Variants in ZNF365 observed in about 807,000 individuals in gnomAD.
ZNF365 encodes the protein protein ZNF365.
A neutral mutation model predicts 35.0 loss-of-function variants in ZNF365; 22 were observed. The ratio of observed to expected loss-of-function variants is 0.63; its 90% CI spans 0.45 to 0.90. ZNF365 has a LOEUF of 0.90. Ranked by LOEUF, ZNF365 falls within the 40% of genes least tolerant of loss-of-function variation. The pLI is 0.00. For missense variants in ZNF365, 448 were observed against 500.3 expected (o/e 0.90, Z 1.00); for synonymous variants, 188 against 196.2 (o/e 0.96, Z 0.35).
At chr10:62,450,990 CTTG>C (rs140155989) in intron 3 of ZNF365, among the ~76,000 whole-genome samples, 3,027 of 152,236 alleles carry the variant, frequency 0.02, 92 homozygotes, top group African/African-American at 0.064. Flanking sequence ...TGTAGATTTG[CTTG>C]TTGTTTTTTT....
intron 3 of ZNF365, among the ~76,000 whole-genome samples, chr10:62,437,957 C>A (rs1336769842): frequency 2.0e-5 from 3 of 152,164 alleles, no homozygotes; most frequent in Non-Finnish European, 4.4e-5. Context: ...CAACATCATT[C>A]TTCTGTCGTG....
At chr10:62,446,738 G>C (rs1169813503) in intron 3 of ZNF365, among the ~76,000 whole-genome samples, 2 of 152,170 alleles carry the variant, frequency 1.3e-5, no homozygotes, top group East Asian at 3.8e-4. Flanking sequence ...TGGTCGTTTT[G>C]TAGAGTTCTG....
At chr10:62,433,146 G>C (rs1484545501) in intron 3 of ZNF365, among the ~76,000 whole-genome samples, 8 of 152,078 alleles carry the variant, frequency 5.3e-5, no homozygotes, top group Non-Finnish European at 1.5e-5. Flanking sequence ...ATTTGGATTT[G>C]TTTGAACAGG....
rs375084173 is a variant in ZNF365 at position 62,380,702 on chromosome 10, T to TA, written c.743+3770dup. ...TGTCTTGACAAAGTCAGTGTGATTT[T>TA]AAAAGTTCTAGTGAAACAGGTATTT... On this transcript the variant is annotated intron_variant, in intron 2 of 4. Transcript: ENST00000395254. 2.7e-3 allele frequency among the ~76,000 whole-genome samples: 408 copies of TA among 152,344 alleles called. 3 individuals carry two copies. The highest frequency in any genetic ancestry group is 0.015 in the South Asian group (70 of 4,822).
chr10:62,445,657 T>C (rs1207929167), intron 3 of ZNF365, among the ~76,000 whole-genome samples: 1 of 152,202 alleles, frequency 6.6e-6, no homozygotes, highest in Non-Finnish European at 1.5e-5. Context: ...GTGGTGATAA[T>C]TGTGCAAGTT....
At chr10:62,399,449 G>A (rs1318375356) in intron 4 of ZNF365, 79 bp from the exon 5 acceptor site, 123 of 1,553,398 alleles carry the variant, frequency 7.9e-5, no homozygotes, top group Non-Finnish European at 1.0e-4. Context: ...TGTGCCATGA[G>A]TAATTATTCT....
intron 3 of ZNF365, among the ~76,000 whole-genome samples, chr10:62,422,601 G>C (rs1840188253): frequency 6.6e-6 from 1 of 152,138 alleles, no homozygotes; most frequent in Non-Finnish European, 1.5e-5. Flanking sequence ...AAACCCAGTA[G>C]GAGAAACAGT....
chr10:62,438,276 C>T (rs1195233934), intron 3 of ZNF365, among the ~76,000 whole-genome samples: 2 of 151,852 alleles, frequency 1.3e-5, no homozygotes, highest in Non-Finnish European at 2.9e-5. Context: ...GCAACCTCCG[C>T]CTCCCAGGCT....
chr10:62,404,650 G>T (rs1044485512), downstream of ZNF365, among the ~76,000 whole-genome samples: 6 of 152,132 alleles, frequency 3.9e-5, no homozygotes, highest in African/African-American at 1.2e-4. Flanking sequence ...CATTGCAAGG[G>T]TTAGGGACAC....
chr10:62,439,400 AAT>A (rs1183292471), intron 3 of ZNF365, among the ~76,000 whole-genome samples: 1 of 152,096 alleles, frequency 6.6e-6, no homozygotes, highest in Non-Finnish European at 1.5e-5. Context: ...AAAAAAAAAA[AAT>A]GTTGACTCAC....
chr10:62,466,187 A>G (rs1047500866), intron 4 of ZNF365, among the ~76,000 whole-genome samples: 1 of 152,128 alleles, frequency 6.6e-6, no homozygotes, highest in African/African-American at 2.4e-5. Flanking sequence ...GCTGTGACAC[A>G]CTGTAACACC....
chr10:62,426,970 T>G (rs1840259385), intron 3 of ZNF365, among the ~76,000 whole-genome samples: 1 of 152,160 alleles, frequency 6.6e-6, no homozygotes. Context: ...CAAGACATCG[T>G]AATAACAGTC....
intron 4 of ZNF365, among the ~76,000 whole-genome samples, chr10:62,463,255 A>G (rs1840877908): frequency 6.6e-6 from 1 of 152,212 alleles, no homozygotes; most frequent in Non-Finnish European, 1.5e-5. Context: ...TTAGGGTTCA[A>G]CTTGAATGGC....
intron 3 of ZNF365, among the ~76,000 whole-genome samples, chr10:62,430,281 C>T (rs1389724987): frequency 3.6e-5 from 5 of 137,982 alleles, no homozygotes; most frequent in Admixed American, 7.4e-5. Context: ...TTTTGGTTCA[C>T]GCCATTCTCC....
chr10:62,474,554 A>G (rs2132493791), intron 4 of ZNF365, among the ~76,000 whole-genome samples: 1 of 152,270 alleles, frequency 6.6e-6, no homozygotes, highest in South Asian at 2.1e-4. Flanking sequence ...TCCTCTAAGG[A>G]AACCACCATT....
rs563726070 is a variant in ZNF365, at chr10:62,376,607, G to C, written c.414G>C (p.Ser138=). ...TYTAMDLHAD[S]LDGTRSGPGL... is the part of the protein sequence containing the mutation. ...CTGCCATGGACCTCCATGCAGACTC[G>C]CTGGATGGGACACGGTCGGGTCCTG... Residue 138 remains serine (S), a synonymous_variant, in exon 2 of 5, where the codon TCG becomes TCC. Transcript: ENST00000395254. 9.9e-6 allele frequency: 16 copies of C among 1,614,128 alleles called. No individual in the cohort carries two copies. In the Admixed American group the frequency reaches 2.7e-4, roughly 27 times the overall value.
intron 4 of ZNF365, among the ~76,000 whole-genome samples, chr10:62,478,918 G>A (rs1266960381): frequency 6.6e-6 from 1 of 152,144 alleles, no homozygotes; most frequent in African/African-American, 2.4e-5. Context: ...TAAAATTTAG[G>A]CTAGTAGTTC....
chr10:62,382,473 C>T (rs144201833), intron 2 of ZNF365, among the ~76,000 whole-genome samples: 16 of 152,268 alleles, frequency 1.1e-4, no homozygotes, highest in Non-Finnish European at 1.6e-4. Context: ...TGGTAAAATT[C>T]GGAAACCCAG....
At chr10:62,392,346 A>G (rs1367449531) in intron 3 of ZNF365, among the ~76,000 whole-genome samples, 2 of 152,082 alleles carry the variant, frequency 1.3e-5, no homozygotes, top group East Asian at 1.9e-4. Flanking sequence ...TTCTGATGTT[A>G]TCTTCTAGAA....
Sources: gnomAD v4.1 joint callset for allele counts (sites outside exome capture counted in the v4.1 genomes callset) on GRCh38, gnomAD v4.1.1 for gene constraint, MANE v1.5 for transcripts, NCBI Gene and HGNC (gene_info 2026-07-23, HGNC 2026-07-21) for gene names.